OSBPL9: variants seen among roughly 807,000 people sequenced by gnomAD.
OSBPL9 encodes the protein oxysterol-binding protein-related protein 9.
A neutral mutation model predicts 106.6 loss-of-function variants in OSBPL9; 40 were observed. The ratio of observed to expected loss-of-function variants is 0.38; its 90% CI spans 0.29 to 0.49. The LOEUF (loss-of-function observed/expected upper bound fraction) is 0.49, where lower values mean the gene tolerates loss of function less well. OSBPL9 is among the 20% of genes least tolerant of loss of function. OSBPL9 has a pLI of 0.97. For synonymous variants in OSBPL9, 269 were observed against 295.4 expected, an observed-to-expected ratio of 0.91 and a Z score of 0.92; for missense variants, 609 against 887.2, an observed-to-expected ratio of 0.69 and a Z score of 3.98.
chr1:51,697,180 G>GAAA (rs1557701933), intron 3 of OSBPL9, among the ~76,000 whole-genome samples: 18 of 150,528 alleles, frequency 1.2e-4, no homozygotes, highest in African/African-American at 2.2e-4. Context: ...AAAAAAAAAA[G>GAAA]AAAGAAAAAA....
In OSBPL9 at chr1:51,634,629, G is replaced by A. The variant is rs75653749; in HGVS notation, c.112-17362G>A. ...CTGAAGTTTTATACCATGCAGAAAG[G>A]AATAGAGGGTTAAGGGTATCCTGGG... On this transcript the variant is annotated intron_variant, in intron 1 of 23. Transcript: ENST00000428468. 1.4e-3 allele frequency among the ~76,000 whole-genome samples: 208 copies of A among 152,292 alleles called. 1 individual carries two copies. The highest frequency in any genetic ancestry group is 4.9e-3 in the African/African-American group (202 of 41,570).
intron 2 of OSBPL9, among the ~76,000 whole-genome samples, chr1:51,609,507 C>CTTT (rs77430161): frequency 7.5e-6 from 1 of 133,394 alleles, no homozygotes; most frequent in East Asian, 2.2e-4. Context: ...CCATGCCTGG[C>CTTT]TTTTTTTTTT....
chr1:51,704,158 G>A (rs59346048), intron 3 of OSBPL9, among the ~76,000 whole-genome samples: 3,319 of 152,282 alleles, frequency 0.022, 71 homozygotes, highest in Middle Eastern at 0.086. Context: ...CATAAAATGA[G>A]TTAGGGAGGA....
the OSBPL9 span, chr1:51,519,293 G>T: frequency 8.2e-6 from 7 of 848,830 alleles, no homozygotes; most frequent in Admixed American, 1.3e-4. Context: ...GGGGCGGGGA[G>T]GAGGCGGAGG....
upstream of OSBPL9, chr1:51,614,471 A>T (rs540184993): frequency 3.8e-4 from 58 of 151,436 alleles, no homozygotes; most frequent in African/African-American, 1.4e-3. Flanking sequence ...TTTAATTTTA[A>T]ATTTTATTTT....
chr1:51,783,727 G>T (rs769564239), intron 17 of OSBPL9, among the ~76,000 whole-genome samples, 188 bp from the exon 18 acceptor site: 3 of 152,142 alleles, frequency 2.0e-5, no homozygotes, highest in African/African-American at 7.2e-5. Context: ...TCCTGCCCAC[G>T]TGGCTCTGAA....
rs757991805 is a variant in OSBPL9, at chr1:51,783,921, C to T, written c.1520C>T (p.Ala507Val). The T allele has an allele frequency of 6.2e-7, 1 of 1,610,866 alleles. No individual in the cohort carries two copies. The highest frequency in any genetic ancestry group is 2.2e-5 in the East Asian group (1 of 44,868). ...EQVSHHPPISAFYAECFNKKI... is the reference protein window; with the variant it reads ...EQVSHHPPISVFYAECFNKKI... ...ATTGAAAATTTCTATTCAGTTTCAG[C>T]CTTTTATGCTGAGTGTTTTAACAAG... The change falls in exon 18 of 24, where the codon GCC becomes GTC. Residue 507 changes from alanine to valine, a missense_variant. By Grantham distance (64) the Ala-to-Val change is moderately conservative. This residue lies in a region of OSBPL9 where 356 missense variants were observed against 505.8 expected (regional missense o/e 0.70). Coordinates refer to ENST00000428468, the MANE Select transcript of OSBPL9 (RefSeq NM_024586.6).
At chr1:51,784,985 T>C (rs934817199) in intron 20 of OSBPL9, 6 of 197,982 alleles carry the variant, frequency 3.0e-5, no homozygotes, top group African/African-American at 1.4e-4. Context: ...GTGCCTTTGC[T>C]GGGGAAAAAC....
intron 1 of OSBPL9, among the ~76,000 whole-genome samples, chr1:51,618,986 C>G (rs1375540899): frequency 6.6e-6 from 1 of 152,172 alleles, no homozygotes; most frequent in East Asian, 1.9e-4. Context: ...AGCTTTCTTT[C>G]TCTACATAGT....
intron 4 of OSBPL9, among the ~76,000 whole-genome samples, chr1:51,727,186 T>C (rs1167491114): frequency 1.3e-5 from 2 of 150,146 alleles, no homozygotes; most frequent in Admixed American, 6.7e-5. Flanking sequence ...TCAGCTAATA[T>C]GGAATTAAGT....
the OSBPL9 span, chr1:51,566,019 T>G: frequency 6.6e-6 from 1 of 152,198 alleles, no homozygotes; most frequent in African/African-American, 2.4e-5. Context: ...TATTGATAAC[T>G]TAAGAGTCAA....
At chr1:51,559,821 A>T in the OSBPL9 span, among the ~76,000 whole-genome samples, 1 of 152,116 alleles carries the variant, frequency 6.6e-6, no homozygotes, top group Non-Finnish European at 1.5e-5. Context: ...TGTTTACAAG[A>T]TGTAGAAAGT....
At chr1:51,703,249 C>T (rs575303738) in intron 3 of OSBPL9, among the ~76,000 whole-genome samples, 31 of 152,252 alleles carry the variant, frequency 2.0e-4, no homozygotes, top group African/African-American at 3.1e-4. Context: ...GCCATTTTCA[C>T]GATATTGATT....
intron 4 of OSBPL9, among the ~76,000 whole-genome samples, chr1:51,718,138 G>C: frequency 6.6e-6 from 1 of 152,136 alleles, no homozygotes; most frequent in East Asian, 1.9e-4. Context: ...ACTTATTTGT[G>C]GGAGCTAAAA....
chr1:51,723,897 A>T (rs773060704), intron 4 of OSBPL9, among the ~76,000 whole-genome samples: 8 of 152,250 alleles, frequency 5.3e-5, no homozygotes, highest in Middle Eastern at 3.4e-3. Flanking sequence ...TCATATGGTA[A>T]ATATATCTTT....
intron 3 of OSBPL9, among the ~76,000 whole-genome samples, chr1:51,674,889 G>A (rs1650802223): frequency 6.6e-6 from 1 of 152,120 alleles, no homozygotes; most frequent in South Asian, 2.1e-4. Flanking sequence ...ATACACTAAC[G>A]ATAGCTGATG....
chr1:51,754,344 C>T (rs1669900259), intron 8 of OSBPL9, among the ~76,000 whole-genome samples: 1 of 152,222 alleles, frequency 6.6e-6, no homozygotes. Flanking sequence ...CAAACTTAAA[C>T]TCTGGTTGAT....
In OSBPL9 at chr1:51,700,805, A is replaced by G. The variant is rs117480754; in HGVS notation, c.242-13198A>G. On this transcript the variant is annotated intron_variant, in intron 3 of 23. Transcript: ENST00000428468. ...CTCTTGTGGGAGATACTTTGAATCT[A>G]TGCCAATTTCCTGTTTCTTCTCACT... is the stretch of plus-strand genomic sequence containing the variant. 1.4e-3 allele frequency among the ~76,000 whole-genome samples: 220 copies of G among 152,288 alleles called. 6 individuals are homozygous for G. The East Asian group carries it at 0.037, about 26-fold the overall frequency.
intron 2 of OSBPL9, among the ~76,000 whole-genome samples, chr1:51,598,551 C>A (rs1645313589): frequency 1.3e-5 from 2 of 152,200 alleles, no homozygotes; most frequent in South Asian, 4.1e-4. Context: ...CTCCCCAACC[C>A]CTGACAGTTG....
Sources: allele counts gnomAD v4.1 joint callset (sites outside exome capture counted in the v4.1 genomes callset), GRCh38; gene constraint gnomAD v4.1.1; regional missense constraint gnomAD v4.1.1; transcripts MANE v1.5; gene names NCBI Gene and HGNC (gene_info 2026-07-23, HGNC 2026-07-21).